Variants in CEP85L observed in about 807,000 individuals in gnomAD.
CEP85L encodes the protein centrosomal protein of 85 kDa-like.
Under a neutral mutation model 100.3 loss-of-function variants are expected in CEP85L, and 60 were observed. That is an observed-to-expected ratio of 0.60 (90% CI 0.49 to 0.74). The LOEUF (loss-of-function observed/expected upper bound fraction) is 0.74, where lower values mean the gene tolerates loss of function less well. Ranked by LOEUF, CEP85L falls within the 30% of genes least tolerant of loss-of-function variation. CEP85L has a pLI of 0.00. For missense variants in CEP85L, 973 were observed against 936.2 expected (o/e 1.04, Z -0.51); for synonymous variants, 319 against 322.7 (o/e 0.99, Z 0.12).
At chr6:118,684,563 G>T (rs910422101) in intron 1 of CEP85L, among the ~76,000 whole-genome samples, 1 of 152,202 alleles carries the variant, frequency 6.6e-6, no homozygotes, top group Non-Finnish European at 1.5e-5. Flanking sequence ...ACACTGCAAA[G>T]AAATCTCATA....
intron 1 of CEP85L, among the ~76,000 whole-genome samples, chr6:118,693,524 T>C (rs1235637855): frequency 6.6e-6 from 1 of 152,184 alleles, no homozygotes; most frequent in Non-Finnish European, 1.5e-5. Context: ...ATACAGAAGA[T>C]CTATGTCATC....
intron 3 of CEP85L, among the ~76,000 whole-genome samples, chr6:118,541,624 G>T (rs1248299035): frequency 6.6e-6 from 1 of 152,158 alleles, no homozygotes; most frequent in Non-Finnish European, 1.5e-5. Context: ...TTATGTTTTA[G>T]AGGTTCTCCA....
chr6:118,592,961 T>G (rs920643777), intron 2 of CEP85L, among the ~76,000 whole-genome samples: 2 of 150,226 alleles, frequency 1.3e-5, no homozygotes, highest in Middle Eastern at 3.4e-3. Context: ...TGTTTGAAAT[T>G]TTATGGAAAA....
At chr6:118,517,103 T>C (rs1776329632) in intron 4 of CEP85L, among the ~76,000 whole-genome samples, 1 of 152,206 alleles carries the variant, frequency 6.6e-6, no homozygotes, top group African/African-American at 2.4e-5. Context: ...TCCATTCGTC[T>C]ATCTGTCTTC....
chr6:118,663,159 T>C (rs1776029019), intron 1 of CEP85L, among the ~76,000 whole-genome samples: 2 of 152,204 alleles, frequency 1.3e-5, no homozygotes, highest in Non-Finnish European at 2.9e-5. Flanking sequence ...ACACTTCTAA[T>C]AGTATAAATG....
At chr6:118,655,634 A>C (rs1200375528), upstream of CEP85L, among the ~76,000 whole-genome samples, 2 of 152,198 alleles carry the variant, frequency 1.3e-5, no homozygotes, top group Admixed American at 1.3e-4. Context: ...ACACAAACCC[A>C]CACACAGCCT....
intron 5 of CEP85L, among the ~76,000 whole-genome samples, chr6:118,500,874 G>A (rs142334138): frequency 8.9e-4 from 136 of 152,312 alleles, no homozygotes; most frequent in African/African-American, 3.1e-3. Flanking sequence ...TGGATAAACA[G>A]CTTGTGAGAG....
intron 2 of CEP85L, among the ~76,000 whole-genome samples, chr6:118,576,450 C>A (rs765946547): frequency 1.0e-4 from 16 of 152,390 alleles, no homozygotes; most frequent in Middle Eastern, 6.8e-3. Flanking sequence ...CCAGGACCAA[C>A]AGCCTCAAAA....
upstream of CEP85L, chr6:118,651,948 G>A (rs1008224327): frequency 5.1e-6 from 5 of 984,226 alleles, no homozygotes; most frequent in African/African-American, 8.7e-5. Flanking sequence ...ACAACCGCTC[G>A]AGATGAAAAA....
intron 2 of CEP85L, among the ~76,000 whole-genome samples, chr6:118,612,833 T>C (rs1445987299): frequency 6.6e-6 from 1 of 151,900 alleles, no homozygotes; most frequent in East Asian, 1.9e-4. Context: ...AGAAAATTAA[T>C]GTGATCAGGA....
chr6:118,692,549 G>A (rs1175846133), intron 1 of CEP85L, among the ~76,000 whole-genome samples: 1 of 151,976 alleles, frequency 6.6e-6, no homozygotes, highest in Non-Finnish European at 1.5e-5. Flanking sequence ...GAAACATCTG[G>A]GTTTTATTTA....
chr6:118,630,206 G>T (rs1031783808), intron 2 of CEP85L, among the ~76,000 whole-genome samples: 1 of 152,162 alleles, frequency 6.6e-6, no homozygotes, highest in African/African-American at 2.4e-5. Flanking sequence ...TCTCCTTCAT[G>T]AATATTCATG....
At chr6:118,670,323 T>C (rs1776262351) in intron 1 of CEP85L, among the ~76,000 whole-genome samples, 1 of 152,050 alleles carries the variant, frequency 6.6e-6, no homozygotes, top group African/African-American at 2.4e-5. Context: ...GATTATTTTG[T>C]CATCCAGGTA....
At chr6:118,525,863 G>T (rs1352798761) in intron 3 of CEP85L, among the ~76,000 whole-genome samples, 2 of 152,190 alleles carry the variant, frequency 1.3e-5, no homozygotes, top group African/African-American at 4.8e-5. Flanking sequence ...GCAACTTCAA[G>T]AGAATTCAAA....
intron 5 of CEP85L, among the ~76,000 whole-genome samples, chr6:118,496,339 GTTAT>G (rs1418220901): frequency 1.1e-5 from 1 of 92,728 alleles, no homozygotes; most frequent in African/African-American, 3.8e-5. Context: ...ATTGCTTTGT[GTTAT>G]TTTATTTTAT....
At chr6:118,649,377 A>G (rs1229495923) in intron 1 of CEP85L, among the ~76,000 whole-genome samples, 3 of 152,168 alleles carry the variant, frequency 2.0e-5, no homozygotes, top group Non-Finnish European at 4.4e-5. Flanking sequence ...CTATTATTCT[A>G]TGCCATAGCA....
At chr6:118,502,297 G>T (rs1340119332) in intron 5 of CEP85L, 1 of 528,470 alleles carries the variant, frequency 1.9e-6, no homozygotes, top group Non-Finnish European at 3.5e-6. Context: ...TGCAATCTAT[G>T]GGGGAAGACT....
intron 4 of CEP85L, among the ~76,000 whole-genome samples, chr6:118,511,981 C>T (rs1256566189): frequency 6.6e-6 from 1 of 151,824 alleles, no homozygotes; most frequent in Non-Finnish European, 1.5e-5. Context: ...AAAAAAAACC[C>T]TTCCTTTTCC....
chr6:118,674,850 C>T (rs974903980), intron 1 of CEP85L, among the ~76,000 whole-genome samples: 3 of 152,200 alleles, frequency 2.0e-5, no homozygotes, highest in Non-Finnish European at 4.4e-5. Context: ...AATCCTCATA[C>T]ACTGCTGGTG....
Sources: gnomAD v4.1 joint callset for allele counts (sites outside exome capture counted in the v4.1 genomes callset) on GRCh38, gnomAD v4.1.1 for gene constraint, MANE v1.5 for transcripts, NCBI Gene and HGNC (gene_info 2026-07-23, HGNC 2026-07-21) for gene names.